Variants in LRRC4C observed in about 807,000 individuals in gnomAD.
The protein encoded by LRRC4C is leucine rich repeat containing 4C, also known as leucine-rich repeat-containing protein 4C.
LRRC4C carries 5 observed loss-of-function variants against 33.6 expected under a neutral mutation model. The observed-to-expected ratio is 0.15, with a 90% confidence interval of 0.08 to 0.31. The LOEUF (loss-of-function observed/expected upper bound fraction) is 0.31, where lower values mean the gene tolerates loss of function less well. Among genes scored for constraint, LRRC4C ranks in the 10% least tolerant of loss-of-function variants. LRRC4C has a pLI of 1.00. For synonymous variants in LRRC4C, 329 were observed against 302.0 expected, an observed-to-expected ratio of 1.09 and a Z score of -0.93; for missense variants, 560 against 796.7, an observed-to-expected ratio of 0.70 and a Z score of 3.58.
At chr11:40,720,671 G>T (rs926992582) in intron 2 of LRRC4C, among the ~76,000 whole-genome samples, 1 of 152,162 alleles carries the variant, frequency 6.6e-6, no homozygotes, top group African/African-American at 2.4e-5. Flanking sequence ...TGAAGAAAGT[G>T]ATAATCTTGT....
chr11:40,218,692 A>AATCT (rs3041085), intron 5 of LRRC4C, among the ~76,000 whole-genome samples: 22,436 of 139,860 alleles, frequency 0.16, 1,917 homozygotes, highest in East Asian at 0.2. Context: ...AATGATAAAG[A>AATCT]ATCTATCTAT....
At chr11:41,324,622 TA>T (rs1221302639) in intron 1 of LRRC4C, among the ~76,000 whole-genome samples, 1 of 152,178 alleles carries the variant, frequency 6.6e-6, no homozygotes, top group East Asian at 1.9e-4. Flanking sequence ...TAGGGCTTTC[TA>T]AAATGTTCTC....
Position 40,879,081 on chromosome 11 carries a change from A to G in LRRC4C, c.-407+54554T>C, listed in dbSNP as rs1488189818. 2.6e-5 allele frequency among the ~76,000 whole-genome samples: 4 copies of G among 152,216 alleles called. No homozygotes were observed. The South Asian group carries it at 6.2e-4, about 24-fold the overall frequency. On this transcript the variant is annotated intron_variant, in intron 2 of 6. Transcript: ENST00000528697. ...TATAATAATACTGAGTACTCTCAAT[A>G]GTGTTCTTGTACAGTGCCTTGAACA...
intron 1 of LRRC4C, among the ~76,000 whole-genome samples, chr11:40,936,670 A>G (rs1056259250): frequency 6.6e-6 from 1 of 152,082 alleles, no homozygotes; most frequent in African/African-American, 2.4e-5. Flanking sequence ...ACCATACATC[A>G]GGCACTACAT....
chr11:40,678,632 T>A (rs1364400907), intron 2 of LRRC4C, among the ~76,000 whole-genome samples: 1 of 152,080 alleles, frequency 6.6e-6, no homozygotes, highest in Non-Finnish European at 1.5e-5. Context: ...ATAGTGAATG[T>A]TTCACAAGAT....
intron 4 of LRRC4C, among the ~76,000 whole-genome samples, chr11:40,252,762 T>C (rs1360466667): frequency 6.6e-6 from 1 of 152,180 alleles, no homozygotes; most frequent in Non-Finnish European, 1.5e-5. Flanking sequence ...GATAAATTAA[T>C]GTAAAGCAAT....
intron 1 of LRRC4C, among the ~76,000 whole-genome samples, chr11:41,260,943 C>T (rs55990361): frequency 5.3e-5 from 8 of 152,028 alleles, no homozygotes; most frequent in African/African-American, 1.9e-4. Flanking sequence ...TGTACTTTCT[C>T]TTCTTAGGCA....
chr11:40,474,370 G>C (rs1193823077), intron 3 of LRRC4C, among the ~76,000 whole-genome samples: 1 of 152,076 alleles, frequency 6.6e-6, no homozygotes, highest in Admixed American at 6.6e-5. Flanking sequence ...GGGAAAACTG[G>C]CTAGCCATAT....
At chr11:41,092,265 C>T (rs1484823511) in intron 1 of LRRC4C, among the ~76,000 whole-genome samples, 2 of 151,830 alleles carry the variant, frequency 1.3e-5, no homozygotes, top group Non-Finnish European at 2.9e-5. Context: ...AGGCATCAGG[C>T]ATTAAAGAAA....
chr11:41,191,269 G>T (rs1175867343), intron 1 of LRRC4C, among the ~76,000 whole-genome samples: 1 of 152,178 alleles, frequency 6.6e-6, no homozygotes, highest in African/African-American at 2.4e-5. Context: ...AGTGAGCAAA[G>T]ATAATCTACA....
At chr11:40,766,432 A>G (rs1384561542) in intron 2 of LRRC4C, among the ~76,000 whole-genome samples, 2 of 151,090 alleles carry the variant, frequency 1.3e-5, no homozygotes, top group South Asian at 4.2e-4. Context: ...CACTGGTAAT[A>G]GAAAGTACAT....
intron 1 of LRRC4C, among the ~76,000 whole-genome samples, chr11:40,962,343 C>T (rs1484772894): frequency 1.3e-5 from 2 of 151,630 alleles, no homozygotes; most frequent in African/African-American, 4.8e-5. Context: ...TGGTTTCAGA[C>T]TTCCGAGCTC....
At position 40,970,803 on chromosome 11, in the gene LRRC4C, G is replaced by A. The variant is rs79130083; in HGVS notation, c.-495-37080C>T. The stretch of plus-strand genomic sequence containing the variant: ...CCAGATGGAAATGAGGAATATATTA[G>A]GAACTGGAGTAAAGGTCACTTTTGC... On this transcript the variant is annotated intron_variant, in intron 1 of 6. Coordinates refer to ENST00000528697, the MANE Select transcript of LRRC4C (RefSeq NM_001258419.2). Among the ~76,000 whole-genome samples, 367 of 152,274 alleles carry A rather than the reference G, an allele frequency of 2.4e-3. 1 individual carries two copies. Among genetic ancestry groups the A allele is most frequent in the Non-Finnish European group, 3.6e-3 (247 of 68,014 alleles).
At chr11:41,396,068 T>C (rs1015102253) in intron 1 of LRRC4C, among the ~76,000 whole-genome samples, 5 of 151,958 alleles carry the variant, frequency 3.3e-5, no homozygotes, top group Non-Finnish European at 7.4e-5. Context: ...GCTCAACGGC[T>C]ATTGTTAGTG....
chr11:40,549,122 G>A (rs1037903643), intron 3 of LRRC4C, among the ~76,000 whole-genome samples: 1 of 152,110 alleles, frequency 6.6e-6, no homozygotes, highest in Non-Finnish European at 1.5e-5. Flanking sequence ...GAAGTATATT[G>A]CATGTACATT....
rs1373084685 is a variant in LRRC4C, at chr11:41,144,258, C to T, written c.-495-210535G>A. Among the ~76,000 whole-genome samples the T allele has an allele frequency of 5.3e-5, 8 of 152,282 alleles. No individual in the cohort carries two copies. In the South Asian group the frequency reaches 8.3e-4, roughly 16 times the overall value. The stretch of plus-strand genomic sequence containing the variant: ...TGCAGGCAAGGGTATAGAGTGATTG[C>T]TTCCAAGGTAGCCCCAAAGCAGTGA... On this transcript the variant is annotated intron_variant, in intron 1 of 6. Coordinates refer to ENST00000528697, the MANE Select transcript of LRRC4C (RefSeq NM_001258419.2).
chr11:40,760,650 A>C (rs764572188), intron 2 of LRRC4C, among the ~76,000 whole-genome samples: 39 of 150,806 alleles, frequency 2.6e-4, no homozygotes, highest in Non-Finnish European at 5.2e-4. Context: ...TCACTCTGTC[A>C]CCCAGGCTGA....
chr11:40,212,980 G>A (rs992243562), intron 5 of LRRC4C, among the ~76,000 whole-genome samples: 5 of 152,056 alleles, frequency 3.3e-5, no homozygotes, highest in Non-Finnish European at 7.4e-5. Flanking sequence ...ACCAAGAATG[G>A]GAATTAAATA....
chr11:40,554,799 G>T (rs138421917), intron 3 of LRRC4C, among the ~76,000 whole-genome samples: 3,216 of 125,648 alleles, frequency 0.026, 264 homozygotes, highest in African/African-American at 0.1. Context: ...TCGGCTCACT[G>T]CAAGCTCCGC....
Sources: allele counts gnomAD v4.1 joint callset (sites outside exome capture counted in the v4.1 genomes callset), GRCh38; gene constraint gnomAD v4.1.1; transcripts MANE v1.5; gene names NCBI Gene and HGNC (gene_info 2026-07-23, HGNC 2026-07-21).